Variants in TRRAP observed in about 807,000 individuals in gnomAD.
TRRAP encodes transformation/transcription domain-associated protein.
Under a neutral mutation model 438.8 loss-of-function variants are expected in TRRAP, and 41 were observed. The ratio of observed to expected loss-of-function variants is 0.09; its 90% CI spans 0.07 to 0.12. TRRAP has a LOEUF of 0.12. Ranked by LOEUF, TRRAP falls within the 10% of genes least tolerant of loss-of-function variation. The pLI is 1.00. For missense variants in TRRAP, 3,122 were observed against 5,055.1 expected (o/e 0.62, Z 11.60); for synonymous variants, 1,994 against 1,962.9 (o/e 1.02, Z -0.42).
chr7:98,999,592 A>G (rs534134825), intron 67 of TRRAP: 68 of 765,288 alleles, frequency 8.9e-5, no homozygotes, highest in African/African-American at 8.7e-4. Flanking sequence ...TTCTTCCCAT[A>G]GGTTGTCTAA....
rs199753522 is a variant in TRRAP at position 98,890,299 on chromosome 7, A to G, written c.151-36A>G. The G allele has an allele frequency of 3.8e-4, 520 of 1,365,062 alleles. 2 individuals carry two copies. In the South Asian group the frequency reaches 4.0e-3, roughly 11 times the overall value. The allele number at this position is 1,365,062 out of a possible 1,614,324, so 84.6% of individuals were successfully genotyped here. A position where few individuals can be genotyped will look rare whatever the true frequency, so the allele number is the denominator to read the frequency against. On this transcript the variant is annotated intron_variant, in intron 3 of 72. Transcript: ENST00000456197. ...AAATTTGAAATGAAAATACATACAC[A>G]TAACTGAATGGGGTCTTTTATTTTT... is the stretch of plus-strand genomic sequence containing the variant.
rs543292437 is a variant in TRRAP at position 98,978,272 on chromosome 7, C to T, written c.8447C>T (p.Ala2816Val). The change falls in exon 57 of 73, where the codon GCC (alanine) becomes GTC (valine). Residue 2816 changes from alanine to valine, a missense_variant. This residue lies in a region of TRRAP where 992 missense variants were observed against 1,281.2 expected (regional missense o/e 0.77). Coordinates refer to ENST00000456197, the MANE Select transcript of TRRAP (RefSeq NM_001375524.1). The stretch of plus-strand genomic sequence containing the variant: ...AAAAAAGAACATGAGAGGAGTAACG[C>T]CTCCCCTGCTATTTTCCCTGAATAC... ...KAKKEHERSN[A>V]SPAIFPEYQL... 6.2e-7 allele frequency: 1 copy of T among 1,614,144 alleles called. No individual in the cohort carries two copies. Among genetic ancestry groups the T allele is most frequent in the Admixed American group, 1.7e-5 (1 of 60,022 alleles).
intron 67 of TRRAP, chr7:98,999,913 A>C: frequency 2.9e-6 from 1 of 340,576 alleles, no homozygotes. Context: ...TGAGCTTCTC[A>C]GTCTTCTGAC....
At chr7:98,969,156 C>T (rs551170889) in intron 51 of TRRAP, among the ~76,000 whole-genome samples, 1 of 152,324 alleles carries the variant, frequency 6.6e-6, no homozygotes, top group African/African-American at 2.4e-5. Flanking sequence ...TTTTCTCTGT[C>T]GTTACAAAAT....
intron 3 of TRRAP, 71 bp downstream of exon 3, chr7:98,882,095 T>C (rs1290151006): frequency 1.5e-6 from 2 of 1,335,634 alleles, no homozygotes; most frequent in South Asian, 1.3e-5. Flanking sequence ...TCCTGCTTTG[T>C]CAGTCTTTTT....
intron 48 of TRRAP, 122 bp downstream of exon 48, chr7:98,964,897 C>G (rs1287537341): frequency 1.5e-5 from 19 of 1,236,690 alleles, no homozygotes; most frequent in Non-Finnish European, 1.9e-5. Flanking sequence ...GTTGTTTGGT[C>G]GTAAATCGTT....
intron 4 of TRRAP, among the ~76,000 whole-genome samples, chr7:98,890,942 C>G (rs1256097953): frequency 1.3e-5 from 2 of 151,154 alleles, no homozygotes; most frequent in Non-Finnish European, 2.9e-5. Context: ...TGGTGTGCGC[C>G]ACAATGCCTG....
chr7:98,994,908 CT>C lies in TRRAP; in HGVS notation c.10309+63del. 1 of 1,585,024 alleles carries C rather than the reference CT, an allele frequency of 6.3e-7. No homozygotes were observed. Among genetic ancestry groups the C allele is most frequent in the South Asian group, 1.1e-5 (1 of 87,078 alleles). On this transcript the variant is annotated intron_variant, in intron 67 of 72. Coordinates refer to ENST00000456197, the MANE Select transcript of TRRAP (RefSeq NM_001375524.1). The surrounding 1 kb of genome is among the most constrained non-coding windows in gnomAD (Gnocchi z 4.8). ...AATTGTGCACGCTGATTTCCTCCGGCTTTAGTGTTGAAGCTGATTGGATCCT... is the reference window on the plus strand; with the variant it reads ...AATTGTGCACGCTGATTTCCTCCGGCTTAGTGTTGAAGCTGATTGGATCCT...
chr7:98,959,048 A>G (rs1020534347), intron 44 of TRRAP, among the ~76,000 whole-genome samples: 3 of 152,148 alleles, frequency 2.0e-5, no homozygotes, highest in Non-Finnish European at 4.4e-5. Context: ...TAACCAGTAG[A>G]TAATTCCTTG....
Position 99,005,671 on chromosome 7 carries a change from A to G in TRRAP, c.10753+323A>G, listed in dbSNP as rs912476539. The stretch of plus-strand genomic sequence containing the variant: ...TCGTCAACTTTCTTAGGACATTATG[A>G]GATTTCTTTTTCTTTTTTTTTTTCT... On this transcript the variant is annotated intron_variant, in intron 69 of 72. Transcript: ENST00000456197. This position sits in a 1 kb window ranked among gnomAD's most constrained non-coding sequence, Gnocchi z 5.1. Among the ~76,000 whole-genome samples the G allele has an allele frequency of 1.3e-5, 2 of 151,732 alleles. No individual in the cohort carries two copies. Among genetic ancestry groups the G allele is most frequent in the Non-Finnish European group, 2.9e-5 (2 of 67,974 alleles).
rs570563189 is a variant in TRRAP at position 98,962,481 on chromosome 7, C to T, written c.6829+54C>T. On this transcript the variant is annotated intron_variant, in intron 47 of 72. Coordinates refer to ENST00000456197, the MANE Select transcript of TRRAP (RefSeq NM_001375524.1). ...GGTGGCTCAGTTTGGCCTCTTTCCCCGCTCACTGGACGTGCTTCCCTTTGG... is the reference window on the plus strand; with the variant it reads ...GGTGGCTCAGTTTGGCCTCTTTCCCTGCTCACTGGACGTGCTTCCCTTTGG... 50 of 1,611,284 alleles carry T rather than the reference C, an allele frequency of 3.1e-5. No individual in the cohort carries two copies. The Admixed American group carries it at 5.0e-4, about 16-fold the overall frequency.
At chr7:98,895,621 C>T in intron 6 of TRRAP, 143 bp from the exon 7 acceptor site, 2 of 537,138 alleles carry the variant, frequency 3.7e-6, no homozygotes, top group South Asian at 3.7e-5. Flanking sequence ...ACATCCATTG[C>T]CTATTTGTAT....
At chr7:98,881,322 C>T in intron 2 of TRRAP, 72 bp downstream of exon 2, 1 of 1,433,076 alleles carries the variant, frequency 7.0e-7, no homozygotes. Flanking sequence ...TCTGTAATCC[C>T]AGCACTTTGG....
chr7:98,879,803 GGA>G (rs1287155516), intron 1 of TRRAP, among the ~76,000 whole-genome samples: 37 of 152,172 alleles, frequency 2.4e-4, no homozygotes, highest in African/African-American at 8.4e-4. Context: ...TTGGTGTCTA[GGA>G]GAGAGTGGCC....
At position 98,990,622 on chromosome 7, in the gene TRRAP, G is replaced by A; in HGVS notation, c.9756+3G>A. On this transcript the variant is annotated splice_donor_region_variant and intron_variant, in intron 64 of 72. Coordinates refer to ENST00000456197, the MANE Select transcript of TRRAP (RefSeq NM_001375524.1). ...TGCTCTTGAACCTCATTAGCCAGGT[G>A]GGAAGAGCAGGGTGGCCTTGTTCAC... The A allele has an allele frequency of 2.5e-6, 4 of 1,608,524 alleles. No homozygotes were observed. Among genetic ancestry groups the A allele is most frequent in the South Asian group, 1.1e-5 (1 of 90,878 alleles).
At chr7:98,913,355 T>C (rs1789370447) in intron 18 of TRRAP, among the ~76,000 whole-genome samples, 1 of 151,990 alleles carries the variant, frequency 6.6e-6, no homozygotes, top group South Asian at 2.1e-4. Flanking sequence ...AGTGGAGTGA[T>C]CTTGGCTCAC....
intron 8 of TRRAP, among the ~76,000 whole-genome samples, chr7:98,898,640 T>A (rs1554406152): frequency 6.6e-6 from 1 of 152,196 alleles, no homozygotes. Flanking sequence ...CCATTGCCCA[T>A]CTGTATTTTG....
intron 3 of TRRAP, among the ~76,000 whole-genome samples, chr7:98,885,345 G>A (rs1449818904): frequency 1.3e-5 from 2 of 151,844 alleles, no homozygotes; most frequent in African/African-American, 4.8e-5. Context: ...GCTTCCCAAG[G>A]TGCTGGTATT....
chr7:99,008,695 T>C (rs1483468763), intron 70 of TRRAP, 134 bp downstream of exon 70: 3 of 955,916 alleles, frequency 3.1e-6, no homozygotes, highest in African/African-American at 3.3e-5. Flanking sequence ...AAAGTAACTT[T>C]ATTAGACTCA....
Sources: gnomAD v4.1 joint callset for allele counts (sites outside exome capture counted in the v4.1 genomes callset) on GRCh38, gnomAD v4.1.1 for gene constraint, gnomAD v4.1.1 regional missense constraint, Gnocchi (gnomAD v3.1) non-coding constraint, MANE v1.5 for transcripts, NCBI Gene and HGNC (gene_info 2026-07-23, HGNC 2026-07-21) for gene names.